The following RFC3 variants were observed in gnomAD, a reference collection of about 807,000 sequenced individuals.
RFC3 encodes A1 38 kDa subunit.
A neutral mutation model predicts 45.1 loss-of-function variants in RFC3; 41 were observed. The observed-to-expected ratio is 0.91, with a 90% CI of 0.71 to 1.18. The LOEUF (loss-of-function observed/expected upper bound fraction) is 1.18, where lower values mean the gene tolerates loss of function less well. Ranked by LOEUF, RFC3 falls within the 50% of genes most tolerant of loss-of-function variation. The pLI is 0.00. For missense variants in RFC3, 423 were observed against 428.1 expected, an observed-to-expected ratio of 0.99 and a Z score of 0.10; for synonymous variants, 149 against 144.0, an observed-to-expected ratio of 1.03 and a Z score of -0.25.
At chr13:33,925,074 TATATACACGCATATA>T (rs2082795722) in intron 8 of RFC3, among the ~76,000 whole-genome samples, 1 of 141,310 alleles carries the variant, frequency 7.1e-6, no homozygotes, top group Admixed American at 6.8e-5. Context: ...TATAGTGTAC[TATATACACGCATATA>T]TAGTGTACTA....
At chr13:33,825,109 T>G (rs1231336730) in intron 3 of RFC3, among the ~76,000 whole-genome samples, 1 of 152,178 alleles carries the variant, frequency 6.6e-6, no homozygotes, top group African/African-American at 2.4e-5. Flanking sequence ...GCCGATTGCT[T>G]TTGGGGTGAT....
intron 8 of RFC3, among the ~76,000 whole-genome samples, chr13:33,843,701 T>C (rs927136192): frequency 1.3e-5 from 2 of 152,228 alleles, no homozygotes; most frequent in African/African-American, 4.8e-5. Flanking sequence ...GATGAGAAAC[T>C]GGATCCAGCT....
intron 8 of RFC3, among the ~76,000 whole-genome samples, chr13:33,912,522 G>A (rs1238176186): frequency 6.6e-6 from 1 of 152,064 alleles, no homozygotes; most frequent in African/African-American, 2.4e-5. Context: ...AGGAGGCCTG[G>A]GGAACATCAG....
intron 8 of RFC3, among the ~76,000 whole-genome samples, chr13:33,903,321 A>G (rs1223974610): frequency 6.6e-6 from 1 of 152,150 alleles, no homozygotes; most frequent in Non-Finnish European, 1.5e-5. Flanking sequence ...TTGGGTAGAA[A>G]TGTGCAGTCA....
intron 3 of RFC3, among the ~76,000 whole-genome samples, chr13:33,824,324 T>C (rs2082029936): frequency 6.6e-6 from 1 of 152,170 alleles, no homozygotes; most frequent in South Asian, 2.1e-4. Flanking sequence ...TTACAGTGTT[T>C]GGAGTAAATA....
intron 8 of RFC3, among the ~76,000 whole-genome samples, chr13:33,876,826 G>A (rs2082450220): frequency 1.3e-5 from 2 of 152,130 alleles, no homozygotes; most frequent in Non-Finnish European, 2.9e-5. Context: ...TCTGAACTTG[G>A]CCAGATCGAG....
intron 6 of RFC3, 79 bp downstream of exon 6, chr13:33,830,934 A>T: frequency 1.6e-6 from 2 of 1,268,468 alleles, no homozygotes; most frequent in Non-Finnish European, 2.2e-6. Flanking sequence ...TGTGGAAGAC[A>T]ATTTTTCCAT....
intron 8 of RFC3, among the ~76,000 whole-genome samples, chr13:33,928,667 C>G (rs1180635461): frequency 1.3e-5 from 2 of 152,150 alleles, no homozygotes; most frequent in African/African-American, 2.4e-5. Context: ...AATATACTTT[C>G]TCTGGTGTTT....
intron 8 of RFC3, among the ~76,000 whole-genome samples, chr13:33,916,808 GTA>G (rs1226163893): frequency 1.3e-5 from 2 of 150,372 alleles, no homozygotes; most frequent in Non-Finnish European, 2.9e-5. Context: ...GTATATGTGT[GTA>G]TATATGTGTG....
At chr13:33,929,238 T>C (rs990704506) in intron 8 of RFC3, among the ~76,000 whole-genome samples, 1 of 152,128 alleles carries the variant, frequency 6.6e-6, no homozygotes, top group Non-Finnish European at 1.5e-5. Flanking sequence ...AAGACATTGC[T>C]ATCATGGCTC....
chr13:33,920,205 C>A (rs774532716), intron 8 of RFC3, among the ~76,000 whole-genome samples: 1 of 151,962 alleles, frequency 6.6e-6, no homozygotes, highest in Non-Finnish European at 1.5e-5. Context: ...AGCAATGTTC[C>A]GGGACAAGCC....
chr13:33,973,558 C>T, the RFC3 span, among the ~76,000 whole-genome samples: 5 of 151,956 alleles, frequency 3.3e-5, no homozygotes, highest in Non-Finnish European at 1.5e-5. Flanking sequence ...TCTCATAGGG[C>T]GTAATACCTG....
chr13:33,950,072 TACAC>T (rs71196530), intron 8 of RFC3, among the ~76,000 whole-genome samples: 4,638 of 144,572 alleles, frequency 0.032, 231 homozygotes, highest in African/African-American at 0.11. Flanking sequence ...TCTCTCGCTC[TACAC>T]ACACACACAC....
intron 8 of RFC3, among the ~76,000 whole-genome samples, chr13:33,956,450 A>C (rs543796418): frequency 6.6e-6 from 1 of 152,370 alleles, no homozygotes; most frequent in East Asian, 1.9e-4. Flanking sequence ...CATCTCAGGA[A>C]TACTGAAGCC....
At chr13:33,958,001 CGA>C (rs2083032413) in intron 8 of RFC3, among the ~76,000 whole-genome samples, 1 of 151,944 alleles carries the variant, frequency 6.6e-6, no homozygotes, top group African/African-American at 2.4e-5. Context: ...CTAGTAGAGA[CGA>C]GAGTTTTAAA....
intron 8 of RFC3, among the ~76,000 whole-genome samples, chr13:33,959,876 G>A (rs1169081905): frequency 2.0e-5 from 3 of 152,174 alleles, no homozygotes; most frequent in African/African-American, 7.2e-5. Context: ...TCTGCAGGCT[G>A]TACAGGAAGC....
chr13:33,898,990 A>G (rs1274063418), intron 8 of RFC3, among the ~76,000 whole-genome samples: 8 of 151,702 alleles, frequency 5.3e-5, no homozygotes, highest in Non-Finnish European at 1.0e-4. Context: ...AATAACAAGT[A>G]ATGAGATCAA....
At position 33,964,311 on chromosome 13, in the gene RFC3, ATC is replaced by A. The variant is rs1259867946; in HGVS notation, c.880-1775_880-1774del. Among the ~76,000 whole-genome samples the A allele has an allele frequency of 3.9e-5, 6 of 152,246 alleles. No homozygotes were observed. In the South Asian group the frequency reaches 1.2e-3, roughly 31 times the overall value. ...AAGCCTAGACTTTTTAAAAGCAATT[ATC>A]AATCATAAGCTATAATGAAAAGAAT... On this transcript the variant is annotated intron_variant, in intron 8 of 8. Transcript: ENST00000434425.
At chr13:33,900,136 T>C (rs1308130656) in intron 8 of RFC3, among the ~76,000 whole-genome samples, 1 of 151,956 alleles carries the variant, frequency 6.6e-6, no homozygotes, top group Non-Finnish European at 1.5e-5. Flanking sequence ...GCAATCCCTA[T>C]CAAAACGCCA....
Sources: allele counts gnomAD v4.1 joint callset (sites outside exome capture counted in the v4.1 genomes callset), GRCh38; gene constraint gnomAD v4.1.1; transcripts MANE v1.5; gene names NCBI Gene and HGNC (gene_info 2026-07-23, HGNC 2026-07-21).